PODXL: variants seen among roughly 807,000 people sequenced by gnomAD.
PODXL encodes the protein podocalyxin like.
Under a neutral mutation model 48.9 loss-of-function variants are expected in PODXL, and 20 were observed. The observed-to-expected ratio is 0.41, with a 90% CI of 0.29 to 0.59. The LOEUF (loss-of-function observed/expected upper bound fraction) is 0.59. Ranked by LOEUF, PODXL falls within the 20% of genes least tolerant of loss-of-function variation. The pLI, the probability that PODXL is intolerant of heterozygous loss-of-function variation, is 0.31. For synonymous variants in PODXL, 295 were observed against 287.4 expected, an observed-to-expected ratio of 1.03 and a Z score of -0.27; for missense variants, 606 against 675.1, an observed-to-expected ratio of 0.90 and a Z score of 1.13.
chr7:131,530,237 G>A (rs1169462431), intron 1 of PODXL, among the ~76,000 whole-genome samples: 1 of 147,238 alleles, frequency 6.8e-6, no homozygotes, highest in East Asian at 2.0e-4. Context: ...ATTGCCAGCT[G>A]GGCAGGACAG....
chr7:131,506,118 C>T, intron 7 of PODXL, 83 bp from the exon 8 acceptor site: 2 of 1,556,598 alleles, frequency 1.3e-6, no homozygotes, highest in South Asian at 1.2e-5. Flanking sequence ...CCTCCGCTTG[C>T]AGTCTGCTAG....
Position 131,505,908 on chromosome 7 carries a change from T to C in PODXL, c.1439A>G (p.Tyr480Cys), listed in dbSNP as rs1458747050. Residue 480 changes from tyrosine (Y) to cysteine (C), a missense_variant, in exon 8 of 9, where the codon TAT (tyrosine) becomes TGT (cysteine). By Grantham distance (194) the Tyr-to-Cys change is radical (BLOSUM62 -2). Coordinates refer to ENST00000378555, the MANE Select transcript of PODXL (RefSeq NM_001018111.3). Reference protein sequence around the residue: ...ASFLLLVAALYGCCHQRLSQR... With the variant: ...ASFLLLVAALCGCCHQRLSQR... ...GGAGAGGCGCTGGTGGCAGCAGCCA[T>C]AGAGGGCCGCCACGAGGAGCAGGAA... 7.6e-6 allele frequency: 12 copies of C among 1,580,842 alleles called. No homozygotes were observed. Among genetic ancestry groups the C allele is most frequent in the Non-Finnish European group, 9.5e-6 (11 of 1,163,852 alleles).
At chr7:131,540,821 G>C (rs979844055) in intron 1 of PODXL, among the ~76,000 whole-genome samples, 2 of 152,166 alleles carry the variant, frequency 1.3e-5, no homozygotes, top group Non-Finnish European at 2.9e-5. Flanking sequence ...CAAGGGCCCC[G>C]AGCCAGAGGG....
intron 1 of PODXL, among the ~76,000 whole-genome samples, chr7:131,542,957 G>A (rs1031545311): frequency 3.9e-5 from 6 of 152,158 alleles, no homozygotes; most frequent in African/African-American, 1.4e-4. Flanking sequence ...AGAGCACGAG[G>A]AGCTGATGCC....
Position 131,546,227 on chromosome 7 carries a change from G to A in PODXL, c.100+10033C>T, listed in dbSNP as rs185145446. ...AGAGGGGGTAGGCTCAGGGTTGGATGATCTGAGAAAGGAAAGTGAAAGGGA... is the reference window on the plus strand; with the variant it reads ...AGAGGGGGTAGGCTCAGGGTTGGATAATCTGAGAAAGGAAAGTGAAAGGGA... On this transcript the variant is annotated intron_variant, in intron 1 of 8. Coordinates refer to ENST00000378555, the MANE Select transcript of PODXL (RefSeq NM_001018111.3). 2.8e-3 allele frequency among the ~76,000 whole-genome samples: 429 copies of A among 152,304 alleles called. 1 individual carries two copies. Among genetic ancestry groups the A allele is most frequent in the Non-Finnish European group, 3.6e-3 (248 of 68,030 alleles).
intron 5 of PODXL, 24 bp from the exon 6 acceptor site, chr7:131,506,750 A>C: frequency 6.2e-7 from 1 of 1,612,690 alleles, no homozygotes; most frequent in East Asian, 2.2e-5. Context: ...AGCGCAGGTG[A>C]CTCCGCGGGG....
At chr7:131,504,566 C>G in intron 8 of PODXL, 58 bp from the exon 9 acceptor site, 1 of 1,437,804 alleles carries the variant, frequency 7.0e-7, no homozygotes, top group South Asian at 1.2e-5. Flanking sequence ...GAGCTTAATA[C>G]AGCGCATGTA....
intron 1 of PODXL, among the ~76,000 whole-genome samples, chr7:131,524,371 C>CAGAGAGAGAGAGAGAG (rs1798141482): frequency 2.9e-5 from 1 of 34,364 alleles, no homozygotes; most frequent in Admixed American, 5.2e-4. Context: ...CGCACACACA[C>CAGAGAGAGAGAGAGAG]ACACACACAG....
At chr7:131,513,785 G>A (rs1040321313) in intron 1 of PODXL, among the ~76,000 whole-genome samples, 2 of 152,212 alleles carry the variant, frequency 1.3e-5, no homozygotes, top group African/African-American at 4.8e-5. Context: ...GTTCAAAGTA[G>A]CCCTGCATGT....
intron 1 of PODXL, among the ~76,000 whole-genome samples, chr7:131,544,652 GT>G (rs1238685122): frequency 6.0e-5 from 1 of 16,652 alleles, no homozygotes; most frequent in African/African-American, 7.3e-5. Context: ...CGCACGCCCT[GT>G]ACTACGCACG....
At chr7:131,550,888 C>T (rs1349932893) in intron 1 of PODXL, among the ~76,000 whole-genome samples, 3 of 152,172 alleles carry the variant, frequency 2.0e-5, no homozygotes, top group Non-Finnish European at 2.9e-5. Context: ...CCTCCCTGGC[C>T]TGCAATCCCC....
intron 1 of PODXL, among the ~76,000 whole-genome samples, chr7:131,548,580 C>A (rs574849131): frequency 6.6e-6 from 1 of 152,332 alleles, no homozygotes; most frequent in East Asian, 1.9e-4. Flanking sequence ...GACCACGAGG[C>A]CACGTGTGAA....
intron 1 of PODXL, among the ~76,000 whole-genome samples, chr7:131,531,836 G>A (rs115907204): frequency 0.027 from 4,186 of 152,272 alleles, 180 homozygotes; most frequent in African/African-American, 0.095. Context: ...TTCCAGCCAG[G>A]CGCGGTGGCT....
intron 8 of PODXL, 141 bp from the exon 9 acceptor site, chr7:131,504,649 T>C: frequency 1.5e-6 from 1 of 685,372 alleles, no homozygotes; most frequent in East Asian, 2.6e-5. Flanking sequence ...GGCTGGCTGC[T>C]CCTGGTGGTC....
At chr7:131,504,538 G>C in intron 8 of PODXL, 30 bp from the exon 9 acceptor site, 1 of 1,600,386 alleles carries the variant, frequency 6.2e-7, no homozygotes, top group Non-Finnish European at 8.6e-7. Flanking sequence ...CGGTGAGAAG[G>C]GGGTTTCAGA....
chr7:131,509,148 G>C (rs1250791738), intron 4 of PODXL, 120 bp from the exon 5 acceptor site: 1 of 977,568 alleles, frequency 1.0e-6, no homozygotes, highest in Non-Finnish European at 1.6e-6. Context: ...GGCATGGCTG[G>C]ACCCATTCCA....
rs146530020 is a variant in PODXL at position 131,531,439 on chromosome 7, C to T, written c.101-20006G>A. ...TCGAGGAACTGACTCGCCTCACTCT[C>T]GCCAACCAGTGTCGGCTCTCTTCCC... On this transcript the variant is annotated intron_variant, in intron 1 of 8. Transcript: ENST00000378555. Among the ~76,000 whole-genome samples the T allele has an allele frequency of 1.9e-3, 283 of 152,312 alleles. 2 individuals carry two copies. The highest frequency in any genetic ancestry group is 6.1e-3 in the African/African-American group (253 of 41,558).
At position 131,506,250 on chromosome 7, in the gene PODXL, G is replaced by A. The variant is rs554537963; in HGVS notation, c.1311+10C>T. 2.5e-6 allele frequency: 4 copies of A among 1,613,756 alleles called. No homozygotes were observed. Among genetic ancestry groups the A allele is most frequent in the African/African-American group, 2.7e-5 (2 of 74,920 alleles). On this transcript the variant is annotated intron_variant, in intron 7 of 8. Coordinates refer to ENST00000378555, the MANE Select transcript of PODXL (RefSeq NM_001018111.3). ...AGCCACTCTGTCCCCACACTTGGGG[G>A]GCCGCTTACCTCCTTTAGTTCATCC...
chr7:131,533,845 T>G (rs1269111972), intron 1 of PODXL, among the ~76,000 whole-genome samples: 1 of 152,176 alleles, frequency 6.6e-6, no homozygotes, highest in Non-Finnish European at 1.5e-5. Flanking sequence ...ACAAGCTGTA[T>G]AACCAGGCAA....
Sources: allele counts gnomAD v4.1 joint callset (sites outside exome capture counted in the v4.1 genomes callset), GRCh38; gene constraint gnomAD v4.1.1; transcripts MANE v1.5; gene names NCBI Gene and HGNC (gene_info 2026-07-23, HGNC 2026-07-21).